FGFR1: variants seen among roughly 807,000 people sequenced by gnomAD.
The protein encoded by FGFR1 is fibroblast growth factor receptor 1, also known as FGFR1/PLAG1 fusion.
A neutral mutation model predicts 93.7 loss-of-function variants in FGFR1; 18 were observed. The ratio of observed to expected loss-of-function variants is 0.19; its 90% confidence interval spans 0.13 to 0.28. The LOEUF is 0.28. Among genes scored for constraint, FGFR1 ranks in the 10% least tolerant of loss-of-function variants. The pLI, the probability that FGFR1 is intolerant of heterozygous loss-of-function variation, is 1.00. For synonymous variants in FGFR1, 448 were observed against 429.3 expected (o/e 1.04, Z -0.54); for missense variants, 731 against 1,080.4 (o/e 0.68, Z 4.53).
At chr8:38,416,237 C>A (rs1816544352) in intron 12 of FGFR1, among the ~76,000 whole-genome samples, 177 bp from the exon 13 acceptor site, 2 of 152,126 alleles carry the variant, frequency 1.3e-5, no homozygotes, top group Admixed American at 1.3e-4. Flanking sequence ...AATAATTACT[C>A]CCAGCATAGT....
chr8:38,415,894 G>T lies in FGFR1; in HGVS notation c.1830C>A (p.Gly610=). ...LVSCAYQVAR[G]MEYLASKKCI... ...CCTTCTTGGAGGCCAGATACTCCATGCCTCGGGCCACCTGGTAGGCGCAGG... is the reference window on the plus strand; with the variant it reads ...CCTTCTTGGAGGCCAGATACTCCATTCCTCGGGCCACCTGGTAGGCGCAGG... The change falls in exon 13 of 18, where the codon GGC becomes GGA. Residue 610 remains glycine, a synonymous_variant. Transcript: ENST00000447712. 1 of 1,613,880 alleles carries T rather than the reference G, an allele frequency of 6.2e-7. No individual in the cohort carries two copies. Among genetic ancestry groups the T allele is most frequent in the Non-Finnish European group, 8.5e-7 (1 of 1,180,020 alleles).
intron 1 of FGFR1, chr8:38,465,391 A>G (rs1273132883): frequency 4.3e-6 from 1 of 232,314 alleles, no homozygotes; most frequent in Non-Finnish European, 8.5e-6. Context: ...ATCTGGATGA[A>G]CCTCATTAAA....
chr8:38,438,741 T>C (rs1348895480), intron 2 of FGFR1, among the ~76,000 whole-genome samples: 1 of 152,018 alleles, frequency 6.6e-6, no homozygotes, highest in African/African-American at 2.4e-5. Context: ...GCAGCCTCAA[T>C]CTTCACAGTG....
At position 38,415,965 on chromosome 8, in the gene FGFR1, G is replaced by A. The variant is rs1563442408; in HGVS notation, c.1759C>T (p.Pro587Ser). The part of the protein sequence containing the change: ...RPPGLEYCYN[P>S]SHNPEEQLSS... ...AGCTGCTCCTCTGGGTTGTGGCTGG[G>A]GTTGTAGCAGTATTCCAGCCCTGGG... The change falls in exon 13 of 18, where the codon CCC (proline) becomes TCC (serine). Residue 587 changes from proline (P) to serine (S), a missense_variant. Transcript: ENST00000447712. The A allele has an allele frequency of 2.5e-6, 4 of 1,614,116 alleles. No homozygotes were observed. The highest frequency in any genetic ancestry group is 3.4e-6 in the Non-Finnish European group (4 of 1,180,020).
rs777999148 is a variant in FGFR1, at chr8:38,462,533, T to C, written c.-88-4999A>G. Among the ~76,000 whole-genome samples, 159 of 152,270 alleles carry C rather than the reference T, an allele frequency of 1.0e-3. 2 individuals are homozygous for C. The highest frequency in any genetic ancestry group is 1.7e-3 in the Non-Finnish European group (117 of 68,016). On this transcript the variant is annotated intron_variant, in intron 1 of 17. Coordinates refer to ENST00000447712, the MANE Select transcript of FGFR1 (RefSeq NM_023110.3). ...AAAAAATTTTTTTTACCTATTTCTT[T>C]CTTTTAACTTAATTTCCAATGTGGC...
chr8:38,461,074 C>G (rs2151425078), intron 1 of FGFR1: 1 of 1,535,986 alleles, frequency 6.5e-7, no homozygotes, highest in Non-Finnish European at 8.7e-7. Flanking sequence ...TCCCACTCAT[C>G]AGAGGGGGCT....
At chr8:38,451,375 G>A (rs755740875) in intron 2 of FGFR1, among the ~76,000 whole-genome samples, 1 of 151,984 alleles carries the variant, frequency 6.6e-6, no homozygotes, top group Non-Finnish European at 1.5e-5. Flanking sequence ...CAAACCTGTA[G>A]TACCTATTTG....
Position 38,468,212 on chromosome 8 carries a change from G to A in FGFR1, c.-320C>T, listed in dbSNP as rs1356662413. 5.3e-5 allele frequency: 12 copies of A among 228,524 alleles called. No individual in the cohort carries two copies. Among genetic ancestry groups the A allele is most frequent in the Non-Finnish European group, 1.0e-4 (12 of 114,898 alleles). 14.2% of individuals were successfully genotyped at this position (228,524 alleles called of 1,614,324 possible). A position where few individuals can be genotyped will look rare whatever the true frequency, so the allele number is the denominator to read the frequency against. ...CTGGTGCCCCGGAGGCGGGGCGGGGGGAGGGCTCCCGTCCGCCACCCGGGG... is the reference window on the plus strand; with the variant it reads ...CTGGTGCCCCGGAGGCGGGGCGGGGAGAGGGCTCCCGTCCGCCACCCGGGG... On this transcript the variant is annotated 5_prime_UTR_variant, in exon 1 of 18. Transcript: ENST00000447712.
At chr8:38,451,892 C>T (rs1831186181) in intron 2 of FGFR1, among the ~76,000 whole-genome samples, 1 of 152,046 alleles carries the variant, frequency 6.6e-6, no homozygotes, top group Non-Finnish European at 1.5e-5. Flanking sequence ...GACAAATGCA[C>T]CCTCTGCAAG....
chr8:38,451,625 T>C (rs1459393633), intron 2 of FGFR1, among the ~76,000 whole-genome samples: 2 of 152,088 alleles, frequency 1.3e-5, no homozygotes, highest in Non-Finnish European at 1.5e-5. Context: ...TGTGTGGTTT[T>C]TCCATTAAGT....
At chr8:38,440,872 C>G (rs1236230504) in intron 2 of FGFR1, among the ~76,000 whole-genome samples, 1 of 152,278 alleles carries the variant, frequency 6.6e-6, no homozygotes, top group East Asian at 1.9e-4. Flanking sequence ...GCACACAGGC[C>G]CAGGCAGCCC....
intron 2 of FGFR1, among the ~76,000 whole-genome samples, chr8:38,448,401 A>C (rs1438652699): frequency 1.3e-5 from 2 of 151,260 alleles, no homozygotes; most frequent in Non-Finnish European, 2.9e-5. Flanking sequence ...TGCTTCAGCC[A>C]CCTGAGTAGA....
rs191921266 is a variant in FGFR1 at position 38,411,729 on chromosome 8, G to C, written c.*1899C>G. 1.0e-3 allele frequency: 240 copies of C among 231,378 alleles called. 1 individual carries two copies. The highest frequency in any genetic ancestry group is 4.8e-3 in the African/African-American group (219 of 45,314). 14.3% of individuals were successfully genotyped at this position (231,378 alleles called of 1,614,324 possible). A position where few individuals can be genotyped will look rare whatever the true frequency, so the allele number is the denominator to read the frequency against. Reference sequence around the variant, plus strand: ...CCAGAATCCACTTAGTGAGGACAGTGATGACCAGCAGGTGGCAGAAGTAAA... The same window carrying C: ...CCAGAATCCACTTAGTGAGGACAGTCATGACCAGCAGGTGGCAGAAGTAAA... On this transcript the variant is annotated 3_prime_UTR_variant, in exon 18 of 18. Transcript: ENST00000447712.
chr8:38,424,715 G>GA lies in FGFR1; in HGVS notation c.746-17dup, dbSNP rs1563489475. On this transcript the variant is annotated splice_polypyrimidine_tract_variant and intron_variant, in intron 6 of 17. Transcript: ENST00000447712. This position sits in a 1 kb window ranked among gnomAD's most constrained non-coding sequence, Gnocchi z 4.3. ...GGGGACCGCTCTGTGGAAGATGGGAGAGGAGGCACTTGTCATGGGGACCTT... is the reference window on the plus strand; with the variant it reads ...GGGGACCGCTCTGTGGAAGATGGGAGAAGGAGGCACTTGTCATGGGGACCTT... 2 of 1,606,552 alleles carry GA rather than the reference G, an allele frequency of 1.2e-6. No individual in the cohort carries two copies. Among genetic ancestry groups the GA allele is most frequent in the South Asian group, 2.2e-5 (2 of 90,682 alleles).
In FGFR1 at chr8:38,411,774, CA is replaced by C; in HGVS notation, c.*1853del. 1 of 230,968 alleles carries C rather than the reference CA, an allele frequency of 4.3e-6. No homozygotes were observed. The highest frequency in any genetic ancestry group is 8.6e-6 in the Non-Finnish European group (1 of 116,364). 14.3% of individuals were successfully genotyped at this position (230,968 alleles called of 1,614,324 possible). ...AGTAAATTCCAAGCAGCCAAAAAAC[CA>C]AAAACATTCGGAGAATTTTCCCCCC... On this transcript the variant is annotated 3_prime_UTR_variant, in exon 18 of 18. Coordinates refer to ENST00000447712, the MANE Select transcript of FGFR1 (RefSeq NM_023110.3).
In FGFR1 at chr8:38,415,967, T is replaced by C; in HGVS notation, c.1757A>G (p.Asn586Ser). ...CTGCTCCTCTGGGTTGTGGCTGGGG[T>C]TGTAGCAGTATTCCAGCCCTGGGGG... ...RRPPGLEYCY[N>S]PSHNPEEQLS... Residue 586 changes from asparagine to serine, a missense_variant, in exon 13 of 18, where the codon AAC (asparagine) becomes AGC (serine). Asn to Ser is a conservative substitution (Grantham distance 46, BLOSUM62 1). Coordinates refer to ENST00000447712, the MANE Select transcript of FGFR1 (RefSeq NM_023110.3). 1 of 1,612,946 alleles carries C rather than the reference T, an allele frequency of 6.2e-7. No individual in the cohort carries two copies. Among genetic ancestry groups the C allele is most frequent in the Non-Finnish European group, 8.5e-7 (1 of 1,179,782 alleles).
Position 38,432,283 on chromosome 8 carries a change from C to T in FGFR1, c.92-2335G>A, listed in dbSNP as rs117606831. Among the ~76,000 whole-genome samples, 341 of 152,286 alleles carry T rather than the reference C, an allele frequency of 2.2e-3. 3 individuals carry two copies. Among genetic ancestry groups the T allele is most frequent in the Admixed American group, 4.6e-3 (70 of 15,296 alleles). ...AACGTGCAAACAAAACTCCACTATA[C>T]GTGATCTGTAAAAGCCTCAAGAACC... On this transcript the variant is annotated intron_variant, in intron 2 of 17. Transcript: ENST00000447712.
chr8:38,428,726 T>C, intron 3 of FGFR1: 1 of 448,836 alleles, frequency 2.2e-6, no homozygotes, highest in Non-Finnish European at 4.1e-6. Flanking sequence ...TCAAAGGCGC[T>C]TTCTCAACTT....
At position 38,411,933 on chromosome 8, in the gene FGFR1, G is replaced by A. The variant is rs762680219; in HGVS notation, c.*1695C>T. 2.6e-5 allele frequency: 6 copies of A among 230,270 alleles called. No individual in the cohort carries two copies. The highest frequency in any genetic ancestry group is 2.5e-4 in the East Asian group (4 of 16,154). 14.3% of individuals were successfully genotyped at this position (230,270 alleles called of 1,614,324 possible). A position where few individuals can be genotyped will look rare whatever the true frequency, so the allele number is the denominator to read the frequency against. ...CTGGGGAGGCATACCAACAAGAAAC[G>A]AAGCCAGGGACCTGAATGCAAAACT... is the stretch of plus-strand genomic sequence containing the variant. On this transcript the variant is annotated 3_prime_UTR_variant, in exon 18 of 18. Transcript: ENST00000447712.
Sources: gnomAD v4.1 joint callset for allele counts (sites outside exome capture counted in the v4.1 genomes callset) on GRCh38, gnomAD v4.1.1 for gene constraint, Gnocchi (gnomAD v3.1) non-coding constraint, MANE v1.5 for transcripts, NCBI Gene and HGNC (gene_info 2026-07-23, HGNC 2026-07-21) for gene names.